The following DNAJC16 variants were observed in gnomAD, a reference collection of about 807,000 sequenced individuals.
DNAJC16 encodes dnaJ homolog subfamily C member 16.
A neutral mutation model predicts 92.7 loss-of-function variants in DNAJC16; 76 were observed. The observed-to-expected ratio is 0.82, with a 90% confidence interval of 0.68 to 0.99. The LOEUF (loss-of-function observed/expected upper bound fraction) is 0.99, where lower values mean the gene tolerates loss of function less well. Among genes scored for constraint, DNAJC16 ranks in the 50% least tolerant of loss-of-function variants. The pLI, the probability that DNAJC16 is intolerant of heterozygous loss-of-function variation, is 0.00. For missense variants in DNAJC16, 869 were observed against 942.4 expected (o/e 0.92, Z 1.02); for synonymous variants, 328 against 358.7 (o/e 0.91, Z 0.97).
At chr1:15,555,455 C>T (rs200787586) in intron 7 of DNAJC16, among the ~76,000 whole-genome samples, 12 of 150,878 alleles carry the variant, frequency 8.0e-5, no homozygotes, top group African/African-American at 1.5e-4. Context: ...GAGGCTGAGG[C>T]GGGTGGATCA....
In DNAJC16 at chr1:15,544,517, T is replaced by C. The variant is rs372770940; in HGVS notation, c.693T>C (p.Asn231=). The C allele has an allele frequency of 1.2e-6, 2 of 1,614,230 alleles. No individual in the cohort carries two copies. The highest frequency in any genetic ancestry group is 8.5e-7 in the Non-Finnish European group (1 of 1,180,042). Residue 231 remains asparagine, a synonymous_variant, in exon 5 of 15, where the codon AAT becomes AAC. Coordinates refer to ENST00000375847, the MANE Select transcript of DNAJC16 (RefSeq NM_015291.4). ...IINGKISFFH[N]AVVRENLRQF... ...ACGGGAAAATCTCCTTCTTCCACAA[T>C]GCAGTTGTCCGTGAAAATCTGCGAC...
At chr1:15,557,443 T>C (rs1048577126) in intron 7 of DNAJC16, among the ~76,000 whole-genome samples, 1 of 152,208 alleles carries the variant, frequency 6.6e-6, no homozygotes, top group Non-Finnish European at 1.5e-5. Context: ...GTATTAGCTT[T>C]TTCAAAGAAC....
chr1:15,563,766 C>T (rs542012479), intron 9 of DNAJC16, among the ~76,000 whole-genome samples, 163 bp from the exon 10 acceptor site: 12 of 147,800 alleles, frequency 8.1e-5, no homozygotes, highest in South Asian at 4.3e-4. Flanking sequence ...AGGAGAATGG[C>T]GTGAACCCGG....
rs777089598 is a variant in DNAJC16 at position 15,567,899 on chromosome 1, G to A, written c.2071G>A (p.Glu691Lys). Reference protein sequence around the residue: ...IPNQYDKHFMERDYTGYVLAL... With the variant: ...IPNQYDKHFMKRDYTGYVLAL... ...AAACCAATATGATAAGCATTTCATGGAGCGTGACTACACTGGTTATGTACT... is the reference window on the plus strand; with the variant it reads ...AAACCAATATGATAAGCATTTCATGAAGCGTGACTACACTGGTTATGTACT... The change falls in exon 15 of 15, where the codon GAG becomes AAG. Residue 691 changes from glutamate (E) to lysine (K), a missense_variant. Coordinates refer to ENST00000375847, the MANE Select transcript of DNAJC16 (RefSeq NM_015291.4). 4 of 1,614,096 alleles carry A rather than the reference G, an allele frequency of 2.5e-6. No homozygotes were observed. Among genetic ancestry groups the A allele is most frequent in the Non-Finnish European group, 2.5e-6 (3 of 1,180,052 alleles).
At chr1:15,559,455 A>G (rs1256280543) in intron 7 of DNAJC16, 71 bp from the exon 8 acceptor site, 4 of 1,590,406 alleles carry the variant, frequency 2.5e-6, no homozygotes, top group African/African-American at 2.7e-5. Context: ...TAAGCTGGTA[A>G]GTAAAGAAAG....
rs750421454 is a variant in DNAJC16 at position 15,564,097 on chromosome 1, G to A, written c.1507G>A (p.Asp503Asn). 40 of 1,613,964 alleles carry A rather than the reference G, an allele frequency of 2.5e-5. No homozygotes were observed. The highest frequency in any genetic ancestry group is 8.3e-5 in the Admixed American group (5 of 59,986). The change falls in exon 10 of 15, where the codon GAT becomes AAT. Residue 503 changes from aspartate to asparagine, a missense_variant. By Grantham distance (23) the Asp-to-Asn change is conservative. Coordinates refer to ENST00000375847, the MANE Select transcript of DNAJC16 (RefSeq NM_015291.4). ...TGAAGCAGTGCTTCCTGACCTGACC[G>A]ATGAACTTGCCCCTGTGAGCATCGG... Reference protein sequence around the residue: ...SSEAVLPDLTDELAPVFLLRW... With the variant: ...SSEAVLPDLTNELAPVFLLRW...
At position 15,529,205 on chromosome 1, in the gene DNAJC16, C is replaced by G. The variant is rs1710595437; in HGVS notation, c.100C>G (p.Leu34Val). ...SALDFDPYRV[L>V]GVSRTASQAD... ...GTTGGATTTTGACCCATACAGAGTC[C>G]TAGGGGTCAGCCGAACAGCCAGTCA... is the stretch of plus-strand genomic sequence containing the variant. The change falls in exon 2 of 15, where the codon CTA (leucine) becomes GTA (valine). Residue 34 changes from leucine to valine, a missense_variant. Transcript: ENST00000375847. 1 of 1,613,742 alleles carries G rather than the reference C, an allele frequency of 6.2e-7. No homozygotes were observed. The highest frequency in any genetic ancestry group is 1.7e-5 in the Admixed American group (1 of 60,012).
rs996356263 is a variant in DNAJC16, at chr1:15,526,875, G to A, written c.-102G>A. On this transcript the variant is annotated 5_prime_UTR_variant, in exon 1 of 15. Coordinates refer to ENST00000375847, the MANE Select transcript of DNAJC16 (RefSeq NM_015291.4). ...CTTTCCCCTCCCCAGGCCCAGGCGAGCGCTGGTGTGGACGGGAAGCTCCCG... is the reference window on the plus strand; with the variant it reads ...CTTTCCCCTCCCCAGGCCCAGGCGAACGCTGGTGTGGACGGGAAGCTCCCG... The A allele has an allele frequency of 7.2e-5, 11 of 152,538 alleles. No homozygotes were observed. Among genetic ancestry groups the A allele is most frequent in the African/African-American group, 2.4e-4 (10 of 41,488 alleles). 9.4% of individuals were successfully genotyped at this position (152,538 alleles called of 1,614,324 possible).
intron 5 of DNAJC16, among the ~76,000 whole-genome samples, chr1:15,545,500 G>A (rs1399247497): frequency 6.6e-6 from 1 of 152,184 alleles, no homozygotes; most frequent in African/African-American, 2.4e-5. Context: ...GCTCCCAAGC[G>A]GGTGGTTATT....
intron 4 of DNAJC16, among the ~76,000 whole-genome samples, chr1:15,540,249 C>T (rs755646150): frequency 5.3e-5 from 8 of 152,002 alleles, no homozygotes; most frequent in Non-Finnish European, 1.2e-4. Context: ...TTGCTTGCAC[C>T]AGGGAGGCAG....
At chr1:15,552,227 C>T (rs1309225695) in intron 7 of DNAJC16, among the ~76,000 whole-genome samples, 1 of 151,412 alleles carries the variant, frequency 6.6e-6, no homozygotes, top group African/African-American at 2.4e-5. Context: ...GTGACTCAAG[C>T]CTGTAATCCC....
At chr1:15,529,422 C>A in intron 2 of DNAJC16, 150 bp downstream of exon 2, 1 of 781,876 alleles carries the variant, frequency 1.3e-6, no homozygotes, top group Non-Finnish European at 1.8e-6. Flanking sequence ...AGCTAATGTT[C>A]ATGTTCTATA....
At chr1:15,528,245 C>T (rs780028867) in intron 1 of DNAJC16, among the ~76,000 whole-genome samples, 4 of 152,158 alleles carry the variant, frequency 2.6e-5, no homozygotes, top group Admixed American at 2.0e-4. Flanking sequence ...CCAGCCTGGC[C>T]AACATGGTGA....
intron 7 of DNAJC16, among the ~76,000 whole-genome samples, chr1:15,551,808 A>T (rs116353899): frequency 0.014 from 2,122 of 151,730 alleles, 53 homozygotes; most frequent in African/African-American, 0.048. Context: ...TGAGGCAGGC[A>T]TATCATCTGA....
chr1:15,567,285 T>C lies in DNAJC16; in HGVS notation c.1949+16T>C, dbSNP rs112468657. On this transcript the variant is annotated intron_variant, in intron 14 of 14. Coordinates refer to ENST00000375847, the MANE Select transcript of DNAJC16 (RefSeq NM_015291.4). ...CATTTACTGGGTAAGCATGTGTGTG[T>C]GTGCATGTATGTATGTGTGTGAGAG... 2 of 1,605,868 alleles carry C rather than the reference T, an allele frequency of 1.2e-6. No homozygotes were observed. The highest frequency in any genetic ancestry group is 1.7e-6 in the Non-Finnish European group (2 of 1,173,394).
In DNAJC16 at chr1:15,567,961, C is replaced by G. The variant is rs1638857723; in HGVS notation, c.2133C>G (p.Phe711Leu). ...LNGHKKYFCLFKPQKTVEEEE... is the reference protein window; with the variant it reads ...LNGHKKYFCLLKPQKTVEEEE... The stretch of plus-strand genomic sequence containing the variant: ...GCCACAAGAAATACTTCTGCCTCTT[C>G]AAGCCCCAAAAGACAGTCGAAGAGG... The change falls in exon 15 of 15, where the codon TTC becomes TTG. Residue 711 changes from phenylalanine to leucine, a missense_variant. Physicochemically the swap from Phe to Leu is conservative, Grantham distance 22. Transcript: ENST00000375847. 1.2e-6 allele frequency: 2 copies of G among 1,614,216 alleles called. No homozygotes were observed.
rs1638580526 is a variant in DNAJC16, at chr1:15,556,746, C to CG, written c.1024-2775dup. Among the ~76,000 whole-genome samples the CG allele has an allele frequency of 2.0e-5, 3 of 152,132 alleles. No individual in the cohort carries two copies. In the South Asian group the frequency reaches 6.2e-4, roughly 32 times the overall value. The stretch of plus-strand genomic sequence containing the variant: ...TGATGTGGAATAGAAGTGTAGTAAT[C>CG]GGGGGCTGTCCTTGTTCTTGATTTC... On this transcript the variant is annotated intron_variant, in intron 7 of 14. Coordinates refer to ENST00000375847, the MANE Select transcript of DNAJC16 (RefSeq NM_015291.4).
At chr1:15,543,860 CTGAG>C (rs959018007) in intron 4 of DNAJC16, among the ~76,000 whole-genome samples, 4 of 152,186 alleles carry the variant, frequency 2.6e-5, no homozygotes, top group African/African-American at 9.6e-5. Flanking sequence ...AGTTTTTGCC[CTGAG>C]TAACTGGAAG....
chr1:15,571,679 G>GTTATT lies in DNAJC16; in HGVS notation c.*3506_*3510dup, dbSNP rs1342252645. On this transcript the variant is annotated 3_prime_UTR_variant, in exon 15 of 15. Transcript: ENST00000375847. ...ATTGTGAACAGGCACTGAAGCTGATGTTATTTTAAGATTACAGAATGGAAA... is the reference window on the plus strand; with the variant it reads ...ATTGTGAACAGGCACTGAAGCTGATGTTATTTTATTTTAAGATTACAGAATGGAAA... The GTTATT allele has an allele frequency of 7.9e-5, 12 of 152,604 alleles. No individual in the cohort carries two copies. The highest frequency in any genetic ancestry group is 2.7e-4 in the African/African-American group (11 of 41,448). The allele number at this position is 152,604 out of a possible 1,614,324, so 9.5% of individuals were successfully genotyped here.
Sources: gnomAD v4.1 joint callset for allele counts (sites outside exome capture counted in the v4.1 genomes callset) on GRCh38, gnomAD v4.1.1 for gene constraint, MANE v1.5 for transcripts, NCBI Gene and HGNC (gene_info 2026-07-23, HGNC 2026-07-21) for gene names.